Variants in GLIS3 observed in about 807,000 individuals in gnomAD.
GLIS3 encodes the protein zinc finger protein GLIS3.
Under a neutral mutation model 78.6 loss-of-function variants are expected in GLIS3, and 53 were observed. The ratio of observed to expected loss-of-function variants is 0.67; its 90% CI spans 0.54 to 0.85. The LOEUF is 0.85. GLIS3 is among the 40% of genes least tolerant of loss of function. GLIS3 has a pLI of 0.00. For missense variants in GLIS3, 1,703 were observed against 1,231.1 expected (o/e 1.38, Z -5.74); for synonymous variants, 684 against 509.9 (o/e 1.34, Z -4.60).
intron 2 of GLIS3, among the ~76,000 whole-genome samples, chr9:4,156,790 A>G (rs2131063942): frequency 6.6e-6 from 1 of 152,208 alleles, no homozygotes; most frequent in South Asian, 2.1e-4. Context: ...AACAACCCTT[A>G]AGGAACAAAA....
intron 4 of GLIS3, among the ~76,000 whole-genome samples, chr9:4,065,167 T>C (rs1826988064): frequency 6.6e-6 from 1 of 152,134 alleles, no homozygotes; most frequent in Non-Finnish European, 1.5e-5. Flanking sequence ...CTGTGGAGTT[T>C]ACAAACCAGC....
chr9:3,858,606 C>T (rs1182865778), intron 8 of GLIS3, among the ~76,000 whole-genome samples: 1 of 151,898 alleles, frequency 6.6e-6, no homozygotes, highest in Non-Finnish European at 1.5e-5. Flanking sequence ...AATATAATTT[C>T]AAAACATAGT....
chr9:3,836,092 G>C (rs916085257), intron 9 of GLIS3, among the ~76,000 whole-genome samples: 8 of 152,210 alleles, frequency 5.3e-5, no homozygotes, highest in Non-Finnish European at 1.0e-4. Flanking sequence ...GGTTCCCTTT[G>C]TTTGGCCCTG....
At chr9:4,363,182 G>C in the GLIS3 span, among the ~76,000 whole-genome samples, 2 of 152,174 alleles carry the variant, frequency 1.3e-5, no homozygotes, top group Admixed American at 1.3e-4. Flanking sequence ...CAGCACTTTG[G>C]GAGGCCCAGG....
At chr9:3,939,204 A>G (rs1169698375) in intron 4 of GLIS3, among the ~76,000 whole-genome samples, 1 of 152,226 alleles carries the variant, frequency 6.6e-6, no homozygotes, top group Non-Finnish European at 1.5e-5. Flanking sequence ...TCTGAGAGAA[A>G]GCTGCATTGT....
At chr9:4,203,923 T>A (rs1471591327) in intron 2 of GLIS3, among the ~76,000 whole-genome samples, 1 of 152,274 alleles carries the variant, frequency 6.6e-6, no homozygotes, top group Non-Finnish European at 1.5e-5. Context: ...TCATGGACAT[T>A]AAGATGGCTA....
At chr9:4,267,351 C>T (rs146288993) in intron 2 of GLIS3, among the ~76,000 whole-genome samples, 81 of 152,262 alleles carry the variant, frequency 5.3e-4, no homozygotes, top group African/African-American at 1.8e-3. Context: ...TAAGTGAAGA[C>T]AGCAGAAAAG....
intron 2 of GLIS3, among the ~76,000 whole-genome samples, chr9:4,186,630 T>A (rs577969396): frequency 4.6e-4 from 69 of 151,280 alleles, no homozygotes; most frequent in Non-Finnish European, 8.7e-4. Flanking sequence ...GTAAAAGTGT[T>A]CCTATTTCTC....
chr9:4,324,268 G>A (rs183479367), intron 2 of GLIS3, among the ~76,000 whole-genome samples: 105 of 152,318 alleles, frequency 6.9e-4, no homozygotes, highest in African/African-American at 2.5e-3. Context: ...ACTTCATAGT[G>A]AGGCTGAGAG....
At chr9:4,279,324 TAC>T (rs141790371) in intron 2 of GLIS3, among the ~76,000 whole-genome samples, 2,124 of 84,858 alleles carry the variant, frequency 0.025, 53 homozygotes, top group Non-Finnish European at 0.035. Context: ...AATATATATA[TAC>T]ACACACACAC....
intron 4 of GLIS3, among the ~76,000 whole-genome samples, chr9:4,072,437 C>T (rs1431588297): frequency 6.6e-6 from 1 of 152,166 alleles, no homozygotes; most frequent in African/African-American, 2.4e-5. Context: ...AACTCTCCCA[C>T]GACAATGGAA....
At chr9:3,883,632 A>C (rs1821881857) in intron 7 of GLIS3, among the ~76,000 whole-genome samples, 1 of 152,194 alleles carries the variant, frequency 6.6e-6, no homozygotes, top group Non-Finnish European at 1.5e-5. Flanking sequence ...GGCAATATTA[A>C]CAAAACTGTT....
chr9:4,032,909 G>C (rs143012187), intron 4 of GLIS3, among the ~76,000 whole-genome samples: 1 of 151,564 alleles, frequency 6.6e-6, no homozygotes, highest in Non-Finnish European at 1.5e-5. Context: ...GCTGGAGTGC[G>C]GTGGCGCAAT....
chr9:4,439,015 G>T, the GLIS3 span, among the ~76,000 whole-genome samples: 1 of 152,190 alleles, frequency 6.6e-6, no homozygotes, highest in East Asian at 1.9e-4. Flanking sequence ...ACAGACATGG[G>T]GTTATAATGT....
chr9:4,188,940 C>T (rs201827134), intron 2 of GLIS3, among the ~76,000 whole-genome samples: 1 of 152,058 alleles, frequency 6.6e-6, no homozygotes, highest in Non-Finnish European at 1.5e-5. Flanking sequence ...ATCCTTTCAA[C>T]AAACCAGCTC....
At chr9:4,102,401 T>A (rs1020022431) in intron 4 of GLIS3, among the ~76,000 whole-genome samples, 1 of 152,114 alleles carries the variant, frequency 6.6e-6, no homozygotes, top group Non-Finnish European at 1.5e-5. Context: ...AACGGCCCTG[T>A]CTCTACAATG....
At chr9:4,433,686 A>T in the GLIS3 span, among the ~76,000 whole-genome samples, 1 of 152,246 alleles carries the variant, frequency 6.6e-6, no homozygotes, top group Non-Finnish European at 1.5e-5. Flanking sequence ...TCTCTAAGTG[A>T]TGCAAACCTG....
intron 7 of GLIS3, among the ~76,000 whole-genome samples, chr9:3,890,394 T>C (rs1482486984): frequency 6.6e-6 from 1 of 152,138 alleles, no homozygotes; most frequent in East Asian, 1.9e-4. Flanking sequence ...CATTACTGAC[T>C]ACCAAGTAGT....
In GLIS3 at chr9:4,040,286, T is replaced by TAA. The variant is rs979901550; in HGVS notation, c.1710+77480_1710+77481dup. On this transcript the variant is annotated intron_variant, in intron 4 of 10. Transcript: ENST00000381971. ...TTACAAAACATTTTACTTCACAAGG[T>TAA]AAAAAAAACAAAAAACAAAAAACCT... 2.4e-4 allele frequency among the ~76,000 whole-genome samples: 31 copies of TAA among 128,516 alleles called. 1 individual carries two copies. Among genetic ancestry groups the TAA allele is most frequent in the East Asian group, 2.2e-3 (8 of 3,586 alleles). 84.3% of individuals were successfully genotyped at this position (128,516 alleles called of 152,430 possible).
Sources: gnomAD v4.1 joint callset for allele counts (sites outside exome capture counted in the v4.1 genomes callset) on GRCh38, gnomAD v4.1.1 for gene constraint, MANE v1.5 for transcripts, NCBI Gene and HGNC (gene_info 2026-07-23, HGNC 2026-07-21) for gene names.